AHR: variants seen among roughly 807,000 people sequenced by gnomAD.
AHR encodes the protein aryl hydrocarbon receptor, also known as AH-receptor.
Under a neutral mutation model 86.8 loss-of-function variants are expected in AHR, and 40 were observed. That is an observed-to-expected ratio of 0.46 (90% CI 0.36 to 0.60). The LOEUF (loss-of-function observed/expected upper bound fraction) is 0.60, where lower values mean the gene tolerates loss of function less well. AHR is among the 20% of genes least tolerant of loss of function. AHR has a pLI of 0.00. For synonymous variants in AHR, 398 were observed against 354.9 expected (o/e 1.12, Z -1.37); for missense variants, 1,001 against 1,011.6 (o/e 0.99, Z 0.14).
At chr7:17,338,919 T>G (rs1782385066) in intron 9 of AHR, 67 bp from the exon 10 acceptor site, 1 of 1,405,704 alleles carries the variant, frequency 7.1e-7, no homozygotes. Context: ...TTTTCTTTTT[T>G]AAATTATTTT....
At chr7:17,300,873 C>A (rs1427342152) in intron 1 of AHR, among the ~76,000 whole-genome samples, 8 of 151,894 alleles carry the variant, frequency 5.3e-5, no homozygotes, top group Non-Finnish European at 8.8e-5. Flanking sequence ...ATGAAGATCT[C>A]CCTGATGTGT....
intron 1 of AHR, among the ~76,000 whole-genome samples, chr7:17,304,574 C>T (rs1221715774): frequency 6.6e-6 from 1 of 152,014 alleles, no homozygotes; most frequent in Non-Finnish European, 1.5e-5. Context: ...ATTCTGCCGT[C>T]ACAGAAACAG....
intron 1 of AHR, 68 bp downstream of exon 1, chr7:17,299,397 C>T: frequency 6.5e-7 from 1 of 1,532,668 alleles, no homozygotes; most frequent in South Asian, 1.2e-5. Flanking sequence ...GGGAGGCAGC[C>T]CCACCCCGCC....
At chr7:17,341,804 C>G (rs1370542771) in intron 10 of AHR, among the ~76,000 whole-genome samples, 1 of 152,026 alleles carries the variant, frequency 6.6e-6, no homozygotes, top group African/African-American at 2.4e-5. Context: ...TTTATTTAAT[C>G]TACTGTAGCC....
Position 17,343,651 on chromosome 7 carries a change from T to A in AHR, c.*587T>A, listed in dbSNP as rs1367615996. 2 of 152,544 alleles carry A rather than the reference T, an allele frequency of 1.3e-5. No individual in the cohort carries two copies. Among genetic ancestry groups the A allele is most frequent in the Non-Finnish European group, 2.9e-5 (2 of 67,984 alleles). 9.4% of individuals were successfully genotyped at this position (152,544 alleles called of 1,614,324 possible). On this transcript the variant is annotated 3_prime_UTR_variant, in exon 11 of 11. Coordinates refer to ENST00000242057, the MANE Select transcript of AHR (RefSeq NM_001621.5). ...TACCTATAACACTCTAGGATGTATATTTTATATAAAGTATTCTTTTTCTTT... is the reference window on the plus strand; with the variant it reads ...TACCTATAACACTCTAGGATGTATAATTTATATAAAGTATTCTTTTTCTTT...
rs955146374 is a variant in AHR, at chr7:17,342,935, T to A, written c.2418T>A (p.Val806=). 2.1e-5 allele frequency: 34 copies of A among 1,612,318 alleles called. No homozygotes were observed. The highest frequency in any genetic ancestry group is 2.4e-5 in the Non-Finnish European group (28 of 1,179,278). ...QAFLNKFQNG[V]LNETYPAELN... ...TTTGTTTTCAGTTTCAGAATGGAGTTTTAAATGAAACATATCCAGCTGAAT... is the reference window on the plus strand; with the variant it reads ...TTTGTTTTCAGTTTCAGAATGGAGTATTAAATGAAACATATCCAGCTGAAT... Residue 806 remains valine, a synonymous_variant, in exon 11 of 11, where the codon GTT becomes GTA. Transcript: ENST00000242057.
intron 2 of AHR, among the ~76,000 whole-genome samples, chr7:17,312,923 AG>A (rs1782080734): frequency 6.6e-6 from 1 of 152,184 alleles, no homozygotes; most frequent in Non-Finnish European, 1.5e-5. Context: ...ACGGAGTCTG[AG>A]GCAGTGATTT....
chr7:17,300,886 T>G (rs10277122), intron 1 of AHR, among the ~76,000 whole-genome samples: 31,844 of 151,946 alleles, frequency 0.21, 3,583 homozygotes, highest in Admixed American at 0.31. Context: ...TGATGTGTTT[T>G]TAAGATACTG....
chr7:17,339,970 A>G lies in AHR; in HGVS notation c.2145A>G (p.Thr715=). 1 of 1,614,236 alleles carries G rather than the reference A, an allele frequency of 6.2e-7. No individual in the cohort carries two copies. The highest frequency in any genetic ancestry group is 8.5e-7 in the Non-Finnish European group (1 of 1,180,026). Residue 715 remains threonine (T), a synonymous_variant, in exon 10 of 11, where the codon ACA becomes ACG. Transcript: ENST00000242057. ...QPVLPQHSKC[T]ELDYPMGSFE... Reference sequence around the variant, plus strand: ...TATTACCACAACATTCCAAATGTACAGAGCTGGACTACCCTATGGGGAGTT... The same window carrying G: ...TATTACCACAACATTCCAAATGTACGGAGCTGGACTACCCTATGGGGAGTT...
chr7:17,307,222 G>A (rs1231601605), intron 1 of AHR, among the ~76,000 whole-genome samples: 4 of 151,888 alleles, frequency 2.6e-5, no homozygotes, highest in African/African-American at 7.2e-5. Context: ...TTGTTTCAGC[G>A]TTTGTGTCAC....
chr7:17,314,812 A>T (rs1383363426), intron 2 of AHR, among the ~76,000 whole-genome samples: 3 of 152,018 alleles, frequency 2.0e-5, no homozygotes, highest in African/African-American at 4.8e-5. Context: ...TGTAATTTTA[A>T]AATTTCTGTG....
intron 3 of AHR, among the ~76,000 whole-genome samples, chr7:17,326,586 C>T (rs954119800): frequency 2.6e-5 from 4 of 152,070 alleles, no homozygotes; most frequent in Non-Finnish European, 2.9e-5. Flanking sequence ...AACATTGTAC[C>T]TTATTACACT....
chr7:17,328,724 C>G (rs1039310831), intron 4 of AHR, among the ~76,000 whole-genome samples: 2 of 151,726 alleles, frequency 1.3e-5, no homozygotes, highest in African/African-American at 4.8e-5. Flanking sequence ...TATTATATAC[C>G]CAGTGGAAAC....
Position 17,322,440 on chromosome 7 carries a change from C to A in AHR, c.254-61C>A, listed in dbSNP as rs538650296. On this transcript the variant is annotated intron_variant, in intron 2 of 10. Coordinates refer to ENST00000242057, the MANE Select transcript of AHR (RefSeq NM_001621.5). ...TCTTTGTTTGGTGTTCAGAAGTTTT[C>A]TATTATAGCTCTTTACTCTTGCTTA... The A allele has an allele frequency of 4.9e-4, 544 of 1,099,446 alleles. 2 individuals are homozygous for A. The Middle Eastern group carries it at 7.0e-3, about 14-fold the overall frequency. The allele number at this position is 1,099,446 out of a possible 1,614,324, so 68.1% of individuals were successfully genotyped here. A position where few individuals can be genotyped will look rare whatever the true frequency, so the allele number is the denominator to read the frequency against.
chr7:17,339,841 T>C lies in AHR; in HGVS notation c.2016T>C (p.Tyr672=), dbSNP rs760250596. Reference sequence around the variant, plus strand: ...GTCCACAGCAAGACCCACAACAATATAATGTCTTTACAGACTTACATGGGA... The same window carrying C: ...GTCCACAGCAAGACCCACAACAATACAATGTCTTTACAGACTTACATGGGA... ...FNCPQQDPQQ[Y]NVFTDLHGIS... is the part of the protein sequence containing the mutation. Residue 672 remains tyrosine, a synonymous_variant, in exon 10 of 11, where the codon TAT becomes TAC. Transcript: ENST00000242057. 1.9e-6 allele frequency: 3 copies of C among 1,614,098 alleles called. No homozygotes were observed. Among genetic ancestry groups the C allele is most frequent in the East Asian group, 2.2e-5 (1 of 44,902 alleles).
At chr7:17,331,339 G>A (rs977638447) in intron 6 of AHR, among the ~76,000 whole-genome samples, 3 of 151,852 alleles carry the variant, frequency 2.0e-5, no homozygotes, top group Non-Finnish European at 4.4e-5. Flanking sequence ...GGTTATCTTT[G>A]ATTTCAGCTT....
intron 4 of AHR, 111 bp downstream of exon 4, chr7:17,327,959 A>C: frequency 6.2e-6 from 2 of 322,554 alleles, no homozygotes; most frequent in Non-Finnish European, 1.0e-5. Context: ...ATGCTGTAGA[A>C]TACAGTATGT....
At chr7:17,334,463 A>T (rs1782334048) in intron 7 of AHR, among the ~76,000 whole-genome samples, 1 of 152,008 alleles carries the variant, frequency 6.6e-6, no homozygotes, top group African/African-American at 2.4e-5. Context: ...TGTGAGCAGG[A>T]GTCTGATATT....
chr7:17,322,518 C>A lies in AHR; in HGVS notation c.271C>A (p.Pro91Thr), dbSNP rs190138857. 23 of 1,610,370 alleles carry A rather than the reference C, an allele frequency of 1.4e-5. No homozygotes were observed. The highest frequency in any genetic ancestry group is 1.9e-5 in the Non-Finnish European group (22 of 1,177,222). The change falls in exon 3 of 11, where the codon CCT becomes ACT. Residue 91 changes from proline (P) to threonine (T), a missense_variant. Physicochemically the swap from Pro to Thr is conservative, Grantham distance 38. Around this residue, in one of 2 missense-constraint regions of AHR, gnomAD observed 394 missense variants for 468.5 expected, o/e 0.84. Transcript: ENST00000242057. ...SFFDVALKSS[P>T]TERNGGQDNC... ...TTCCATAGTTGCATTAAAATCCTCCCCTACTGAAAGAAACGGAGGCCAGGA... is the reference window on the plus strand; with the variant it reads ...TTCCATAGTTGCATTAAAATCCTCCACTACTGAAAGAAACGGAGGCCAGGA...
Sources: gnomAD v4.1 joint callset for allele counts (sites outside exome capture counted in the v4.1 genomes callset) on GRCh38, gnomAD v4.1.1 for gene constraint, gnomAD v4.1.1 regional missense constraint, MANE v1.5 for transcripts, NCBI Gene and HGNC (gene_info 2026-07-23, HGNC 2026-07-21) for gene names.